ITFG1: variants seen among roughly 807,000 people sequenced by gnomAD.
ITFG1 encodes the protein integrin alpha FG-GAP repeat containing 1, also known as T-cell immunomodulatory protein.
ITFG1 carries 34 observed loss-of-function variants against 81.8 expected under a neutral mutation model. The ratio of observed to expected loss-of-function variants is 0.42; its 90% CI spans 0.32 to 0.55. ITFG1 has a LOEUF of 0.55. ITFG1 is among the 20% of genes least tolerant of loss of function. The pLI, the probability that ITFG1 is intolerant of heterozygous loss-of-function variation, is 0.17. For synonymous variants in ITFG1, 285 were observed against 270.6 expected (o/e 1.05, Z -0.52); for missense variants, 672 against 755.4 (o/e 0.89, Z 1.29).
intron 6 of ITFG1, among the ~76,000 whole-genome samples, chr16:47,423,551 G>GT (rs1400173670): frequency 1.3e-5 from 2 of 152,176 alleles, no homozygotes; most frequent in Non-Finnish European, 2.9e-5. Context: ...CATTTGGCAT[G>GT]TTTTTGTAGT....
At chr16:47,243,798 T>C (rs1965965178) in intron 12 of ITFG1, among the ~76,000 whole-genome samples, 1 of 152,198 alleles carries the variant, frequency 6.6e-6, no homozygotes, top group African/African-American at 2.4e-5. Flanking sequence ...TCCAGCACTA[T>C]GGGAGGCCAA....
At chr16:47,264,693 C>T (rs192463078) in intron 10 of ITFG1, among the ~76,000 whole-genome samples, 1 of 152,068 alleles carries the variant, frequency 6.6e-6, no homozygotes, top group Admixed American at 6.6e-5. Context: ...AACAGTTAAA[C>T]CTAAATGGTC....
At chr16:47,352,193 C>A (rs1567470994) in intron 8 of ITFG1, among the ~76,000 whole-genome samples, 1 of 152,106 alleles carries the variant, frequency 6.6e-6, no homozygotes, top group Non-Finnish European at 1.5e-5. Flanking sequence ...GCAACAAAAG[C>A]CAAAATTGAC....
chr16:47,318,203 CTA>C (rs1567458105), intron 8 of ITFG1, among the ~76,000 whole-genome samples: 2 of 152,154 alleles, frequency 1.3e-5, no homozygotes, highest in African/African-American at 4.8e-5. Context: ...CCAAGACAAT[CTA>C]TGCAAATACA....
chr16:47,441,214 G>T (rs1394876485), intron 5 of ITFG1, among the ~76,000 whole-genome samples: 4 of 152,152 alleles, frequency 2.6e-5, no homozygotes, highest in African/African-American at 7.2e-5. Context: ...AAAAGTCCAG[G>T]ACCAGATGGA....
At chr16:47,408,684 T>G (rs1968761015) in intron 6 of ITFG1, among the ~76,000 whole-genome samples, 1 of 152,242 alleles carries the variant, frequency 6.6e-6, no homozygotes, top group Admixed American at 6.5e-5. Context: ...TTTATGTGAC[T>G]TGTCACAGCT....
At chr16:47,342,131 T>C (rs931753229) in intron 8 of ITFG1, among the ~76,000 whole-genome samples, 4 of 152,102 alleles carry the variant, frequency 2.6e-5, no homozygotes, top group African/African-American at 4.8e-5. Flanking sequence ...TCCTGAGCAA[T>C]AGATGCAAAA....
rs183932314 is a variant in ITFG1, at chr16:47,372,162, C to T, written c.720+3714G>A. Among the ~76,000 whole-genome samples the T allele has an allele frequency of 1.4e-4, 21 of 152,260 alleles. 1 individual carries two copies. In the South Asian group the frequency reaches 1.7e-3, roughly 12 times the overall value. On this transcript the variant is annotated intron_variant, in intron 7 of 17. Coordinates refer to ENST00000320640, the MANE Select transcript of ITFG1 (RefSeq NM_030790.5). ...TTTGCCATTCTTCACTCTTCCTCCA[C>T]GACACTTACCTACTTTCTTCCTTGA...
At chr16:47,448,575 G>A (rs917548106) in intron 5 of ITFG1, 4 of 146,148 alleles carry the variant, frequency 2.7e-5, no homozygotes, top group Non-Finnish European at 6.0e-5. Flanking sequence ...GACCCAGAAC[G>A]TATTTGAACT....
At chr16:47,349,199 C>A (rs1967910080) in intron 8 of ITFG1, among the ~76,000 whole-genome samples, 1 of 152,178 alleles carries the variant, frequency 6.6e-6, no homozygotes, top group African/African-American at 2.4e-5. Context: ...TGATCAAATT[C>A]ACACATAACA....
At chr16:47,250,720 A>G (rs975987845) in intron 12 of ITFG1, among the ~76,000 whole-genome samples, 22 of 152,248 alleles carry the variant, frequency 1.4e-4, no homozygotes, top group African/African-American at 5.3e-4. Context: ...TAAATGACAG[A>G]TATCTTGAGA....
At chr16:47,270,357 CAAT>C (rs149572266) in intron 10 of ITFG1, among the ~76,000 whole-genome samples, 33,138 of 151,910 alleles carry the variant, frequency 0.22, 4,525 homozygotes, top group Non-Finnish European at 0.32. Flanking sequence ...TTTCAATATT[CAAT>C]AATAAGAAAA....
At chr16:47,203,957 G>A (rs1965460524) in intron 14 of ITFG1, among the ~76,000 whole-genome samples, 1 of 152,174 alleles carries the variant, frequency 6.6e-6, no homozygotes, top group African/African-American at 2.4e-5. Flanking sequence ...TAATGATGGT[G>A]ATGGTTGCAC....
chr16:47,260,458 C>T (rs1193384366), intron 11 of ITFG1, 87 bp downstream of exon 11: 2 of 1,412,474 alleles, frequency 1.4e-6, no homozygotes, highest in South Asian at 1.3e-5. Flanking sequence ...GTGTTGTCCA[C>T]ATTTTCTGGT....
chr16:47,218,771 A>G lies in ITFG1; in HGVS notation c.1453+97T>C, dbSNP rs16953792. On this transcript the variant is annotated intron_variant, in intron 14 of 17. Coordinates refer to ENST00000320640, the MANE Select transcript of ITFG1 (RefSeq NM_030790.5). The stretch of plus-strand genomic sequence containing the variant: ...GTATAATAAAAGTGAAGATGTTATT[A>G]AGGAGTGTGAAAACATAATTTTTTC... 7.1e-3 allele frequency: 4,053 copies of G among 570,276 alleles called. 128 individuals are homozygous for G. Among genetic ancestry groups the G allele is most frequent in the African/African-American group, 0.07 (3,607 of 51,664 alleles). 35.3% of individuals were successfully genotyped at this position (570,276 alleles called of 1,614,324 possible).
chr16:47,325,563 T>A (rs1332081934), intron 8 of ITFG1, among the ~76,000 whole-genome samples: 1 of 151,602 alleles, frequency 6.6e-6, no homozygotes, highest in East Asian at 1.9e-4. Context: ...TCAACAAAAT[T>A]GATAGACTGC....
chr16:47,367,989 G>T (rs1301460389), intron 7 of ITFG1, among the ~76,000 whole-genome samples: 3 of 152,116 alleles, frequency 2.0e-5, no homozygotes, highest in African/African-American at 7.2e-5. Flanking sequence ...TGTAATCCCA[G>T]CACTTTGGGA....
At chr16:47,419,590 T>G (rs908539570) in intron 6 of ITFG1, among the ~76,000 whole-genome samples, 3 of 148,860 alleles carry the variant, frequency 2.0e-5, no homozygotes, top group African/African-American at 7.4e-5. Flanking sequence ...TTTCACGGCC[T>G]TACTTCAGGT....
At chr16:47,221,235 A>C (rs1423255557) in intron 13 of ITFG1, among the ~76,000 whole-genome samples, 2 of 152,116 alleles carry the variant, frequency 1.3e-5, no homozygotes, top group Non-Finnish European at 2.9e-5. Flanking sequence ...CCATCACTGT[A>C]AAGTTTCTTG....
Sources: allele counts gnomAD v4.1 joint callset (sites outside exome capture counted in the v4.1 genomes callset), GRCh38; gene constraint gnomAD v4.1.1; transcripts MANE v1.5; gene names NCBI Gene and HGNC (gene_info 2026-07-23, HGNC 2026-07-21).